The following DLG2 variants were observed in gnomAD, a reference collection of about 807,000 sequenced individuals.
The protein encoded by DLG2 is disks large homolog 2.
In DLG2, 45 loss-of-function variants were observed where a neutral mutation model predicts 132.5. The observed-to-expected ratio is 0.34, with a 90% confidence interval of 0.27 to 0.44. The LOEUF (loss-of-function observed/expected upper bound fraction) is 0.44. Ranked by LOEUF, DLG2 falls within the 20% of genes least tolerant of loss-of-function variation. The pLI is 1.00. For missense variants in DLG2, 1,045 were observed against 1,196.9 expected, an observed-to-expected ratio of 0.87 and a Z score of 1.87; for synonymous variants, 424 against 419.6, an observed-to-expected ratio of 1.01 and a Z score of -0.13.
rs553266884 is a variant in DLG2 at position 84,812,602 on chromosome 11, A to G, written c.358-277871T>C. Among the ~76,000 whole-genome samples, 3 of 152,134 alleles carry G rather than the reference A, an allele frequency of 2.0e-5. No homozygotes were observed. The South Asian group carries it at 6.2e-4, about 31-fold the overall frequency. On this transcript the variant is annotated intron_variant, in intron 6 of 27. Transcript: ENST00000376104. ...GCATATTTTCCATAGCAACGTAGGA[A>G]TCTTTACCATACAGAGACCTAAGTG...
chr11:85,568,442 A>G (rs2077655987), intron 3 of DLG2, among the ~76,000 whole-genome samples: 1 of 152,206 alleles, frequency 6.6e-6, no homozygotes, highest in Non-Finnish European at 1.5e-5. Context: ...CATAGAATTA[A>G]TTAGACAGTA....
chr11:84,883,300 G>A (rs1600736918), intron 6 of DLG2, among the ~76,000 whole-genome samples: 1 of 151,886 alleles, frequency 6.6e-6, no homozygotes, highest in Non-Finnish European at 1.5e-5. Flanking sequence ...CATACACTGG[G>A]GCCTGTTAGG....
chr11:84,437,933 A>C (rs1271969665), intron 7 of DLG2: 1 of 152,582 alleles, frequency 6.6e-6, no homozygotes, highest in Non-Finnish European at 1.5e-5. Context: ...CAGTGGCCAC[A>C]TAAAGACAGA....
chr11:83,874,536 T>TA, intron 15 of DLG2, 48 bp from the exon 16 acceptor site: 1 of 1,344,362 alleles, frequency 7.4e-7, no homozygotes, highest in South Asian at 1.5e-5. Flanking sequence ...TATTTTTTAT[T>TA]TTTTTATTTT....
intron 6 of DLG2, among the ~76,000 whole-genome samples, chr11:84,990,051 C>A (rs1341952900): frequency 6.6e-6 from 1 of 152,070 alleles, no homozygotes; most frequent in Non-Finnish European, 1.5e-5. Context: ...CCTTGAAAGA[C>A]CCGATTAAGA....
At chr11:83,843,618 A>AAT (rs1405290838) in intron 16 of DLG2, among the ~76,000 whole-genome samples, 3 of 151,672 alleles carry the variant, frequency 2.0e-5, no homozygotes, top group African/African-American at 7.3e-5. Flanking sequence ...TGAACGGAAA[A>AAT]AAAAGTGAGT....
intron 8 of DLG2, among the ~76,000 whole-genome samples, chr11:84,235,142 C>T (rs912138129): frequency 2.0e-5 from 3 of 152,312 alleles, no homozygotes; most frequent in African/African-American, 7.2e-5. Flanking sequence ...ATCTTTGAAT[C>T]CACCTACCAA....
chr11:84,370,244 G>A (rs906814373), intron 7 of DLG2, among the ~76,000 whole-genome samples: 28 of 152,022 alleles, frequency 1.8e-4, no homozygotes, highest in Non-Finnish European at 3.1e-4. Context: ...GTGGTATAGG[G>A]GGAAGTTGTA....
rs560535703 is a variant in DLG2 at position 84,833,278 on chromosome 11, G to A, written c.357+278383C>T. ...CTGAGCTAATAAATTCACATCAGCAGGCAGAGGTAGCTGAAAGCCAATACC... is the reference window on the plus strand; with the variant it reads ...CTGAGCTAATAAATTCACATCAGCAAGCAGAGGTAGCTGAAAGCCAATACC... On this transcript the variant is annotated intron_variant, in intron 6 of 27. Coordinates refer to ENST00000376104, the MANE Select transcript of DLG2 (RefSeq NM_001142699.3). Among the ~76,000 whole-genome samples the A allele has an allele frequency of 2.0e-5, 3 of 151,720 alleles. No individual in the cohort carries two copies. In the South Asian group the frequency reaches 6.2e-4, roughly 32 times the overall value.
intron 17 of DLG2, among the ~76,000 whole-genome samples, chr11:83,824,007 A>T (rs2051697706): frequency 6.6e-6 from 1 of 152,214 alleles, no homozygotes; most frequent in Non-Finnish European, 1.5e-5. Context: ...AAGCAACAGT[A>T]TTCCAAATAC....
intron 6 of DLG2, among the ~76,000 whole-genome samples, chr11:84,738,501 CTTTG>C (rs2064164577): frequency 6.6e-6 from 1 of 152,032 alleles, no homozygotes; most frequent in African/African-American, 2.4e-5. Flanking sequence ...TGTTTCATTC[CTTTG>C]TTTCTCAATA....
chr11:84,565,748 A>C (rs914767496), intron 6 of DLG2, among the ~76,000 whole-genome samples: 5 of 152,094 alleles, frequency 3.3e-5, no homozygotes, highest in Non-Finnish European at 5.9e-5. Context: ...ATTGCTATGG[A>C]TTATATTTAG....
chr11:84,646,759 C>T (rs2099675493), intron 6 of DLG2, among the ~76,000 whole-genome samples: 1 of 151,888 alleles, frequency 6.6e-6, no homozygotes, highest in Admixed American at 6.6e-5. Context: ...TCAGTTCCTG[C>T]TGAATTATAC....
At chr11:85,397,691 C>A (rs192037671) in intron 3 of DLG2, among the ~76,000 whole-genome samples, 1 of 152,146 alleles carries the variant, frequency 6.6e-6, no homozygotes, top group Non-Finnish European at 1.5e-5. Context: ...AAGGCCACTA[C>A]ATAATGGTAA....
chr11:85,324,807 C>G (rs1342478809), intron 3 of DLG2, among the ~76,000 whole-genome samples: 3 of 151,936 alleles, frequency 2.0e-5, no homozygotes, highest in Admixed American at 6.6e-5. Context: ...GTCTACAGCT[C>G]CCAGCGTGAG....
chr11:83,522,814 C>T (rs28617697), intron 21 of DLG2, among the ~76,000 whole-genome samples: 2 of 94,084 alleles, frequency 2.1e-5, no homozygotes, highest in East Asian at 3.1e-4. Flanking sequence ...GCCCCCCCCC[C>T]CTTTTTTTTT....
At chr11:85,294,674 C>G (rs189429428) in intron 3 of DLG2, among the ~76,000 whole-genome samples, 110 of 152,196 alleles carry the variant, frequency 7.2e-4, no homozygotes, top group African/African-American at 2.6e-3. Flanking sequence ...AACATATCTT[C>G]CAACAATACT....
intron 3 of DLG2, among the ~76,000 whole-genome samples, chr11:85,434,516 C>G (rs1253931856): frequency 6.6e-6 from 1 of 151,976 alleles, no homozygotes; most frequent in African/African-American, 2.4e-5. Context: ...CACAGAAATA[C>G]AAACTACCAT....
chr11:84,244,078 T>C (rs2097269910), intron 8 of DLG2, among the ~76,000 whole-genome samples: 1 of 152,210 alleles, frequency 6.6e-6, no homozygotes, highest in African/African-American at 2.4e-5. Flanking sequence ...TATACTCTTT[T>C]GTTACTCAAA....
Sources: gnomAD v4.1 joint callset for allele counts (sites outside exome capture counted in the v4.1 genomes callset) on GRCh38, gnomAD v4.1.1 for gene constraint, MANE v1.5 for transcripts, NCBI Gene and HGNC (gene_info 2026-07-23, HGNC 2026-07-21) for gene names.